Variants in SLC23A2 observed in about 807,000 individuals in gnomAD.
SLC23A2 encodes the protein Na(+)/L-ascorbic acid transporter 2.
A neutral mutation model predicts 73.3 loss-of-function variants in SLC23A2; 36 were observed. The ratio of observed to expected loss-of-function variants is 0.49; its 90% CI spans 0.38 to 0.65. SLC23A2 has a LOEUF of 0.65. Ranked by LOEUF, SLC23A2 falls within the 30% of genes least tolerant of loss-of-function variation. The pLI, the probability that SLC23A2 is intolerant of heterozygous loss-of-function variation, is 0.00. For missense variants in SLC23A2, 507 were observed against 841.6 expected (o/e 0.60, Z 4.92); for synonymous variants, 343 against 327.3 (o/e 1.05, Z -0.52).
In SLC23A2 at chr20:4,899,907, A is replaced by G. The variant is rs1171782384; in HGVS notation, c.325-195T>C. Reference sequence around the variant, plus strand: ...TTGTTGTTAAGACAGTTTCACTCCCATTGCCCTCGACGGAGTGCAATGGTG... The same window carrying G: ...TTGTTGTTAAGACAGTTTCACTCCCGTTGCCCTCGACGGAGTGCAATGGTG... On this transcript the variant is annotated intron_variant, in intron 5 of 16. Coordinates refer to ENST00000338244, the MANE Select transcript of SLC23A2 (RefSeq NM_005116.6). The surrounding 1 kb of genome is among the most constrained non-coding windows in gnomAD (Gnocchi z 4.9). Among the ~76,000 whole-genome samples the G allele has an allele frequency of 3.9e-5, 6 of 152,018 alleles. No homozygotes were observed. The highest frequency in any genetic ancestry group is 1.3e-4 in the Admixed American group (2 of 15,256).
intron 1 of SLC23A2, among the ~76,000 whole-genome samples, chr20:4,977,411 G>A (rs2087659571): frequency 1.3e-5 from 2 of 151,884 alleles, no homozygotes. Flanking sequence ...CTCTCAAGCT[G>A]GGCACCGTGG....
intron 1 of SLC23A2, among the ~76,000 whole-genome samples, chr20:4,972,618 G>A (rs1184329706): frequency 2.0e-5 from 3 of 151,646 alleles, no homozygotes; most frequent in Non-Finnish European, 2.9e-5. Context: ...ACAGAGTCTC[G>A]CTCTATCAGC....
chr20:4,912,764 A>G (rs147047922), intron 4 of SLC23A2, 116 bp downstream of exon 4: 2 of 720,916 alleles, frequency 2.8e-6, no homozygotes, highest in Admixed American at 2.0e-5. Context: ...GTCAGAGACC[A>G]AGCCCCAGAC....
At chr20:5,005,086 A>G (rs1019898576), upstream of SLC23A2, among the ~76,000 whole-genome samples, 2 of 151,516 alleles carry the variant, frequency 1.3e-5, no homozygotes, top group South Asian at 2.1e-4. Flanking sequence ...CCAGTGTAGC[A>G]TTCAAGGCCC....
Position 4,918,318 on chromosome 20 carries a change from C to G in SLC23A2, c.109-5340G>C, listed in dbSNP as rs34702220. 2.9e-3 allele frequency among the ~76,000 whole-genome samples: 442 copies of G among 152,260 alleles called. 1 individual carries two copies. Among genetic ancestry groups the G allele is most frequent in the Middle Eastern group, 0.024 (7 of 294 alleles). On this transcript the variant is annotated intron_variant, in intron 3 of 16. Coordinates refer to ENST00000338244, the MANE Select transcript of SLC23A2 (RefSeq NM_005116.6). ...TTCTCCAAAACTATCTTAAACTAAA[C>G]TCGTGGCCTTAAGTTTTGTCTCCTA... is the stretch of plus-strand genomic sequence containing the variant.
Position 4,998,741 on chromosome 20 carries a change from G to GT in SLC23A2, c.-282+2664dup, listed in dbSNP as rs2088065072. Among the ~76,000 whole-genome samples, 1 of 151,172 alleles carries GT rather than the reference G, an allele frequency of 6.6e-6. No individual in the cohort carries two copies. The highest frequency in any genetic ancestry group is 6.6e-5 in the Admixed American group (1 of 15,124). On this transcript the variant is annotated intron_variant, in intron 1 of 16. Coordinates refer to ENST00000338244, the MANE Select transcript of SLC23A2 (RefSeq NM_005116.6). This position sits in a 1 kb window ranked among gnomAD's most constrained non-coding sequence, Gnocchi z 4.1. ...GCCTAAGAGGATTAAATATAAATAC[G>GT]TTTTTAAAAAGCTTCAATTTACATG... is the stretch of plus-strand genomic sequence containing the variant.
intron 1 of SLC23A2, among the ~76,000 whole-genome samples, chr20:4,985,567 C>T (rs921502071): frequency 4.6e-5 from 7 of 151,996 alleles, no homozygotes; most frequent in Non-Finnish European, 8.8e-5. Flanking sequence ...CCCACCTCAG[C>T]CTGCCTAGTA....
chr20:4,874,136 C>G (rs763931092), intron 10 of SLC23A2, 44 bp from the exon 11 acceptor site: 7 of 1,582,342 alleles, frequency 4.4e-6, no homozygotes, highest in African/African-American at 1.4e-5. Flanking sequence ...GCAGGGCTCA[C>G]AGGTGTTGGC....
intron 1 of SLC23A2, among the ~76,000 whole-genome samples, chr20:4,991,162 C>T (rs1218018617): frequency 1.3e-5 from 2 of 151,970 alleles, no homozygotes; most frequent in African/African-American, 2.4e-5. Flanking sequence ...GGCTGGAGTG[C>T]GGTGGCACCA....
At chr20:4,979,835 CACTT>C (rs1333855715) in intron 1 of SLC23A2, among the ~76,000 whole-genome samples, 2 of 151,988 alleles carry the variant, frequency 1.3e-5, no homozygotes, top group Non-Finnish European at 2.9e-5. Context: ...CTGCAAATAA[CACTT>C]AGTTCTCCAA....
chr20:4,979,406 C>A (rs1435672526), intron 1 of SLC23A2, among the ~76,000 whole-genome samples: 1 of 152,074 alleles, frequency 6.6e-6, no homozygotes, highest in Non-Finnish European at 1.5e-5. Flanking sequence ...TTAAGGTTCA[C>A]ATTTACTGGG....
At chr20:4,912,000 A>G (rs1026145256) in intron 4 of SLC23A2, among the ~76,000 whole-genome samples, 14 of 141,600 alleles carry the variant, frequency 9.9e-5, no homozygotes, top group Non-Finnish European at 2.1e-4. Flanking sequence ...CCACACCTGG[A>G]TAATTATTTC....
At chr20:4,907,118 G>A (rs988977482) in intron 4 of SLC23A2, among the ~76,000 whole-genome samples, 1 of 152,194 alleles carries the variant, frequency 6.6e-6, no homozygotes, top group Non-Finnish European at 1.5e-5. Context: ...AAAGCCCTCA[G>A]GCTGAGGAAT....
intron 9 of SLC23A2, among the ~76,000 whole-genome samples, chr20:4,879,878 T>C (rs921056980): frequency 6.6e-6 from 1 of 152,212 alleles, no homozygotes; most frequent in African/African-American, 2.4e-5. Flanking sequence ...TGTGTGACAT[T>C]TAAAAAACAA....
intron 1 of SLC23A2, among the ~76,000 whole-genome samples, chr20:4,973,637 A>C (rs1004389668): frequency 6.6e-6 from 1 of 152,202 alleles, no homozygotes; most frequent in African/African-American, 2.4e-5. Context: ...GCAACCTTGA[A>C]CTTCTGGCAG....
rs2122789493 is a variant in SLC23A2 at position 4,868,771 on chromosome 20, G to A, written c.1251-896C>T. On this transcript the variant is annotated intron_variant, in intron 12 of 16. Transcript: ENST00000338244. The surrounding 1 kb of genome is among the most constrained non-coding windows in gnomAD (Gnocchi z 4.4). ...CCTTCTGGGGTTACAGAGCTGGCTG[G>A]AGAACAGGAGGGGATCTGGGCTGTT... 6.6e-6 allele frequency among the ~76,000 whole-genome samples: 1 copy of A among 152,294 alleles called. No individual in the cohort carries two copies. Among genetic ancestry groups the A allele is most frequent in the East Asian group, 1.9e-4 (1 of 5,186 alleles).
chr20:4,912,667 C>CA (rs36084071), intron 4 of SLC23A2, among the ~76,000 whole-genome samples: 13,952 of 73,822 alleles, frequency 0.19, 868 homozygotes, highest in Non-Finnish European at 0.21. Flanking sequence ...TTAAAACAAT[C>CA]AAAAAAAAAA....
intron 3 of SLC23A2, among the ~76,000 whole-genome samples, chr20:4,923,877 A>G (rs1315648847): frequency 6.6e-6 from 1 of 152,182 alleles, no homozygotes; most frequent in Admixed American, 6.5e-5. Flanking sequence ...CAAATCTGTC[A>G]TCACATAGTC....
At chr20:4,890,921 A>G (rs1931308117) in intron 6 of SLC23A2, among the ~76,000 whole-genome samples, 1 of 152,218 alleles carries the variant, frequency 6.6e-6, no homozygotes, top group African/African-American at 2.4e-5. Context: ...ATGTCTATCA[A>G]TCTAACAAGT....
Sources: allele counts gnomAD v4.1 joint callset (sites outside exome capture counted in the v4.1 genomes callset), GRCh38; gene constraint gnomAD v4.1.1; non-coding constraint Gnocchi (gnomAD v3.1); transcripts MANE v1.5; gene names NCBI Gene and HGNC (gene_info 2026-07-23, HGNC 2026-07-21).